PTK2: variants seen among roughly 807,000 people sequenced by gnomAD.
The protein encoded by PTK2 is focal adhesion kinase 1.
Under a neutral mutation model 150.1 loss-of-function variants are expected in PTK2, and 45 were observed. The observed-to-expected ratio is 0.30, with a 90% CI of 0.24 to 0.38. The LOEUF is 0.38. PTK2 is among the 10% of genes least tolerant of loss of function. The pLI is 1.00. For synonymous variants in PTK2, 432 were observed against 449.2 expected (o/e 0.96, Z 0.48); for missense variants, 919 against 1,307.3 (o/e 0.70, Z 4.58).
chr8:140,848,420 A>G (rs563590978), intron 5 of PTK2, among the ~76,000 whole-genome samples: 21 of 150,174 alleles, frequency 1.4e-4, no homozygotes, highest in African/African-American at 5.1e-4. Flanking sequence ...TTAGCATCTA[A>G]GGCTGGGTGC....
chr8:140,878,430 G>T (rs4609241), intron 4 of PTK2, among the ~76,000 whole-genome samples: 145,937 of 152,108 alleles, frequency 0.96, 70,187 homozygotes, highest in Non-Finnish European at 1. Context: ...TGAAACCCCA[G>T]CTCTGTAAAC....
intron 5 of PTK2, among the ~76,000 whole-genome samples, chr8:140,862,750 G>C (rs1222996997): frequency 6.6e-6 from 1 of 152,116 alleles, no homozygotes; most frequent in Non-Finnish European, 1.5e-5. Flanking sequence ...CACGTGTGAG[G>C]GATCTAGGTT....
At chr8:140,788,683 C>A (rs1364102712) in intron 14 of PTK2, among the ~76,000 whole-genome samples, 5 of 150,792 alleles carry the variant, frequency 3.3e-5, no homozygotes, top group African/African-American at 1.2e-4. Flanking sequence ...GACTCTGTCT[C>A]AAAAAAAACT....
chr8:140,700,877 A>G lies in PTK2; in HGVS notation c.2499+14T>C. ...GCTTAAAAAGTCAAAGAAGCCTTTCAGAAACACAATTACCAGAAATCTTTC... is the reference window on the plus strand; with the variant it reads ...GCTTAAAAAGTCAAAGAAGCCTTTCGGAAACACAATTACCAGAAATCTTTC... On this transcript the variant is annotated intron_variant, in intron 26 of 31. Transcript: ENST00000522684. 6.2e-7 allele frequency: 1 copy of G among 1,613,424 alleles called. No homozygotes were observed. The highest frequency in any genetic ancestry group is 8.5e-7 in the Non-Finnish European group (1 of 1,179,622).
At chr8:140,665,053 T>C in intron 30 of PTK2, 56 bp from the exon 35 acceptor site, 1 of 1,462,066 alleles carries the variant, frequency 6.8e-7, no homozygotes, top group South Asian at 1.2e-5. Flanking sequence ...TTTTTATGCT[T>C]TTCAGTTATA....
rs1375916963 is a variant in PTK2 at position 140,703,435 on chromosome 8, T to C, written c.2230-728A>G. Among the ~76,000 whole-genome samples the C allele has an allele frequency of 4.0e-5, 6 of 151,890 alleles. No homozygotes were observed. In the South Asian group the frequency reaches 6.2e-4, roughly 16 times the overall value. ...GCATTAGAGAGCTAGTGCAAATATATACTAGAAAACAAGAAACTGTTTCTT... is the reference window on the plus strand; with the variant it reads ...GCATTAGAGAGCTAGTGCAAATATACACTAGAAAACAAGAAACTGTTTCTT... On this transcript the variant is annotated intron_variant, in intron 24 of 31. Coordinates refer to ENST00000522684, the Ensembl canonical transcript of PTK2.
chr8:140,721,082 T>A (rs1057398861), intron 22 of PTK2, among the ~76,000 whole-genome samples: 11 of 152,110 alleles, frequency 7.2e-5, no homozygotes, highest in African/African-American at 1.9e-4. Flanking sequence ...TTTATTTTTT[T>A]TTTTTTAAAA....
At chr8:140,957,424 A>G (rs926350842) in intron 1 of PTK2, among the ~76,000 whole-genome samples, 2 of 152,238 alleles carry the variant, frequency 1.3e-5, no homozygotes, top group African/African-American at 4.8e-5. Context: ...CAAAATAGTC[A>G]TAAGTTTAAA....
At chr8:140,768,550 G>A (rs6578135) in intron 14 of PTK2, among the ~76,000 whole-genome samples, 88,646 of 152,050 alleles carry the variant, frequency 0.58, 27,450 homozygotes, top group African/African-American at 0.79. Context: ...GGCAAGGCTG[G>A]AGCCTAAGAC....
At chr8:140,929,407 CGAAA>C (rs2100170913) in intron 1 of PTK2, among the ~76,000 whole-genome samples, 1 of 151,966 alleles carries the variant, frequency 6.6e-6, no homozygotes, top group African/African-American at 2.4e-5. Context: ...AAGTCTAAAG[CGAAA>C]GAGACAGGAA....
chr8:140,769,664 G>A, intron 14 of PTK2, 72 bp from the exon 16 acceptor site: 2 of 989,984 alleles, frequency 2.0e-6, no homozygotes, highest in Non-Finnish European at 1.4e-6. Context: ...AAGGAGAAGA[G>A]GGAAGAGAGG....
At chr8:140,960,707 C>A (rs768182298) in intron 1 of PTK2, among the ~76,000 whole-genome samples, 31 of 152,210 alleles carry the variant, frequency 2.0e-4, no homozygotes, top group African/African-American at 6.5e-4. Context: ...ATAGGCTGGG[C>A]GCGGTGGCTC....
intron 1 of PTK2, among the ~76,000 whole-genome samples, chr8:140,927,983 T>TATATATAC (rs2100170312): frequency 5.2e-5 from 6 of 116,248 alleles, no homozygotes; most frequent in Non-Finnish European, 1.0e-4. Flanking sequence ...AAAATATATA[T>TATATATAC]ATATATATAT....
At chr8:140,661,230 A>G (rs564058934) in intron 31 of PTK2, among the ~76,000 whole-genome samples, 2 of 152,326 alleles carry the variant, frequency 1.3e-5, no homozygotes, top group East Asian at 3.9e-4. Flanking sequence ...ATCTAGAGAG[A>G]TATTCTAGAA....
At chr8:140,672,932 C>T (rs542700937) in intron 29 of PTK2, among the ~76,000 whole-genome samples, 30 of 152,294 alleles carry the variant, frequency 2.0e-4, no homozygotes, top group African/African-American at 6.7e-4. Flanking sequence ...AATGATACCA[C>T]CACCAGTCCT....
At chr8:140,754,175 T>C (rs1374387962) in intron 16 of PTK2, among the ~76,000 whole-genome samples, 1 of 152,238 alleles carries the variant, frequency 6.6e-6, no homozygotes. Flanking sequence ...CATGCCCATG[T>C]GCCAGATGCC....
chr8:140,808,008 G>A (rs933904261), intron 10 of PTK2, among the ~76,000 whole-genome samples: 58 of 152,332 alleles, frequency 3.8e-4, no homozygotes, highest in African/African-American at 1.3e-3. Flanking sequence ...GCAGGTTGAA[G>A]AGGGAGTGGG....
intron 2 of PTK2, among the ~76,000 whole-genome samples, chr8:140,902,483 G>A (rs1455932125): frequency 6.6e-6 from 1 of 152,174 alleles, no homozygotes; most frequent in Non-Finnish European, 1.5e-5. Context: ...CCAATAATGG[G>A]ATTGCTGGGT....
intron 1 of PTK2, among the ~76,000 whole-genome samples, chr8:140,971,361 A>T (rs903830389): frequency 3.9e-5 from 6 of 152,258 alleles, no homozygotes; most frequent in Non-Finnish European, 7.3e-5. Context: ...AGTGAACTTC[A>T]TTAGCTCTTG....
Sources: allele counts gnomAD v4.1 joint callset (sites outside exome capture counted in the v4.1 genomes callset), GRCh38; gene constraint gnomAD v4.1.1; transcripts MANE v1.5; gene names NCBI Gene and HGNC (gene_info 2026-07-23, HGNC 2026-07-21).